The following OPRD1 variants were observed in gnomAD, a reference collection of about 807,000 sequenced individuals.
OPRD1 encodes the protein delta-type opioid receptor.
A neutral mutation model predicts 17.5 loss-of-function variants in OPRD1; 19 were observed. That is an observed-to-expected ratio of 1.09 (90% CI 0.76 to 1.60). OPRD1 has a LOEUF of 1.60. OPRD1 is among the 40% of genes most tolerant of loss of function. OPRD1 has a pLI of 0.00. For synonymous variants in OPRD1, 256 were observed against 240.9 expected (o/e 1.06, Z -0.58); for missense variants, 483 against 547.2 (o/e 0.88, Z 1.17).
In OPRD1 at chr1:28,864,282, G is replaced by GAATGAGGGA. The variant is rs1224155135; in HGVS notation, c.*1001_*1009dup. ...GTCTCTCAAAAAGGAGAGAGAGGGA[G>GAATGAGGGA]AATGAGGGAAGAAGAGATAGGAAGA... On this transcript the variant is annotated 3_prime_UTR_variant, in exon 3 of 3. Coordinates refer to ENST00000234961, the MANE Select transcript of OPRD1 (RefSeq NM_000911.4). The GAATGAGGGA allele has an allele frequency of 6.6e-6, 1 of 152,314 alleles. No individual in the cohort carries two copies. The highest frequency in any genetic ancestry group is 1.5e-5 in the Non-Finnish European group (1 of 68,138). The allele number at this position is 152,314 out of a possible 1,614,324, so 9.4% of individuals were successfully genotyped here.
intron 1 of OPRD1, among the ~76,000 whole-genome samples, chr1:28,846,727 C>G (rs1307486065): frequency 6.6e-6 from 1 of 151,156 alleles, no homozygotes; most frequent in East Asian, 1.9e-4. Flanking sequence ...AGCGAGCAAG[C>G]TCTCTGGGGC....
chr1:28,852,166 A>T (rs900637824), intron 1 of OPRD1, among the ~76,000 whole-genome samples: 23 of 40,684 alleles, frequency 5.7e-4, no homozygotes, highest in Admixed American at 1.4e-3. Flanking sequence ...ACTCCATGTA[A>T]AAAAAAAAAA....
At chr1:28,823,075 G>C (rs2088729415) in intron 1 of OPRD1, among the ~76,000 whole-genome samples, 1 of 152,106 alleles carries the variant, frequency 6.6e-6, no homozygotes, top group Non-Finnish European at 1.5e-5. Context: ...GGTGGAATGA[G>C]GGGGTGTCTG....
chr1:28,832,663 G>T (rs2088818848), intron 1 of OPRD1, among the ~76,000 whole-genome samples: 2 of 151,778 alleles, frequency 1.3e-5, no homozygotes, highest in Admixed American at 6.6e-5. Context: ...CCTGGAGTCT[G>T]CCTGGGCTTT....
chr1:28,857,853 C>T (rs1007363381), intron 1 of OPRD1, among the ~76,000 whole-genome samples: 7 of 151,174 alleles, frequency 4.6e-5, no homozygotes, highest in Non-Finnish European at 1.0e-4. Flanking sequence ...AGTGCAATGG[C>T]ACTATCTCGG....
intron 1 of OPRD1, among the ~76,000 whole-genome samples, chr1:28,851,064 G>A (rs1272136231): frequency 2.0e-5 from 3 of 151,980 alleles, no homozygotes; most frequent in African/African-American, 7.3e-5. Flanking sequence ...AGGAGAGATG[G>A]GGAAGGAAGG....
chr1:28,823,967 C>A (rs2088739921), intron 1 of OPRD1, among the ~76,000 whole-genome samples: 1 of 143,022 alleles, frequency 7.0e-6, no homozygotes, highest in Non-Finnish European at 1.5e-5. Context: ...CATTTGAGGT[C>A]AGGAGTTTGA....
rs113404323 is a variant in OPRD1, at chr1:28,840,285, G to A, written c.228-18669G>A. 4.5e-3 allele frequency among the ~76,000 whole-genome samples: 688 copies of A among 152,172 alleles called. 3 individuals carry two copies. The highest frequency in any genetic ancestry group is 0.01 in the Middle Eastern group (3 of 294). ...TTATATATATATGAGATAGAGTCTC[G>A]CTCTGTCCCTCAGGCTGGAGTGCAG... On this transcript the variant is annotated intron_variant, in intron 1 of 2. Coordinates refer to ENST00000234961, the MANE Select transcript of OPRD1 (RefSeq NM_000911.4).
chr1:28,827,373 C>T lies in OPRD1; in HGVS notation c.227+14763C>T, dbSNP rs533957763. 5.9e-5 allele frequency among the ~76,000 whole-genome samples: 9 copies of T among 152,154 alleles called. No homozygotes were observed. In the East Asian group the frequency reaches 9.7e-4, roughly 16 times the overall value. ...TCACTGTGTTGCCCAGGCTGGAGTG[C>T]AGTGGCTACTCACAGGCACGATCAT... On this transcript the variant is annotated intron_variant, in intron 1 of 2. Coordinates refer to ENST00000234961, the MANE Select transcript of OPRD1 (RefSeq NM_000911.4).
intron 1 of OPRD1, among the ~76,000 whole-genome samples, chr1:28,828,599 T>A (rs1414620542): frequency 1.9e-4 from 27 of 139,984 alleles, no homozygotes; most frequent in Middle Eastern, 7.5e-3. Flanking sequence ...AGAGGGAGAG[T>A]CGCTTGAGCT....
intron 1 of OPRD1, among the ~76,000 whole-genome samples, chr1:28,837,509 A>C (rs1165969899): frequency 2.6e-5 from 4 of 151,852 alleles, no homozygotes; most frequent in Non-Finnish European, 5.9e-5. Context: ...TTAGCTGGGC[A>C]TGGTGGCGTG....
intron 1 of OPRD1, among the ~76,000 whole-genome samples, chr1:28,829,000 A>C: frequency 6.6e-6 from 1 of 151,940 alleles, no homozygotes; most frequent in African/African-American, 2.4e-5. Flanking sequence ...AAAAAAAAAA[A>C]AAAAGGAGAG....
At chr1:28,846,558 C>T (rs1295672953) in intron 1 of OPRD1, among the ~76,000 whole-genome samples, 1 of 152,082 alleles carries the variant, frequency 6.6e-6, no homozygotes, top group African/African-American at 2.4e-5. Flanking sequence ...TGGTGGGCGC[C>T]TGTAATCCCA....
intron 1 of OPRD1, among the ~76,000 whole-genome samples, chr1:28,846,359 G>T (rs1023614374): frequency 6.6e-6 from 1 of 152,126 alleles, no homozygotes; most frequent in African/African-American, 2.4e-5. Context: ...CTGCCACCAC[G>T]GTCAGGTTCT....
chr1:28,839,501 C>G (rs1279033463), intron 1 of OPRD1, among the ~76,000 whole-genome samples: 1 of 152,168 alleles, frequency 6.6e-6, no homozygotes, highest in Non-Finnish European at 1.5e-5. Flanking sequence ...CTCCAGCAAT[C>G]CACACTGGAT....
intron 1 of OPRD1, among the ~76,000 whole-genome samples, chr1:28,842,153 CG>C (rs1191797317): frequency 6.6e-6 from 1 of 152,132 alleles, no homozygotes; most frequent in Non-Finnish European, 1.5e-5. Context: ...CCTCAGCCTC[CG>C]GGGTAGCTGG....
intron 1 of OPRD1, among the ~76,000 whole-genome samples, chr1:28,818,698 G>A (rs1028948459): frequency 2.0e-5 from 3 of 152,134 alleles, no homozygotes; most frequent in Non-Finnish European, 2.9e-5. Context: ...GCTGAGCTTG[G>A]CTGGGCTCGG....
At chr1:28,816,351 G>C (rs182638635) in intron 1 of OPRD1, among the ~76,000 whole-genome samples, 3 of 152,122 alleles carry the variant, frequency 2.0e-5, no homozygotes, top group Non-Finnish European at 4.4e-5. Flanking sequence ...GATCAGAGAA[G>C]CCTCTGCAGA....
Position 28,863,393 on chromosome 1 carries a change from C to T in OPRD1, c.*110C>T, listed in dbSNP as rs1040667582. ...GAGTGGGGCAGTAGAAGGTCGGAGG[C>T]TTGGGACCGCCAGATGGGGCCTCTG... On this transcript the variant is annotated 3_prime_UTR_variant, in exon 3 of 3. Coordinates refer to ENST00000234961, the MANE Select transcript of OPRD1 (RefSeq NM_000911.4). The T allele has an allele frequency of 3.7e-5, 46 of 1,226,964 alleles. No homozygotes were observed. The highest frequency in any genetic ancestry group is 4.6e-5 in the Non-Finnish European group (43 of 937,382). 76.0% of individuals were successfully genotyped at this position (1,226,964 alleles called of 1,614,324 possible).
Sources: gnomAD v4.1 joint callset for allele counts (sites outside exome capture counted in the v4.1 genomes callset) on GRCh38, gnomAD v4.1.1 for gene constraint, MANE v1.5 for transcripts, NCBI Gene and HGNC (gene_info 2026-07-23, HGNC 2026-07-21) for gene names.